MYRIP: variants seen among roughly 807,000 people sequenced by gnomAD.
MYRIP encodes myosin VIIA and Rab interacting protein, also known as rab effector MyRIP.
In MYRIP, 49 loss-of-function variants were observed where a neutral mutation model predicts 98.0. That is an observed-to-expected ratio of 0.50 (90% confidence interval 0.40 to 0.63). MYRIP has a LOEUF of 0.63. MYRIP is among the 30% of genes least tolerant of loss of function. The pLI is 0.00. For synonymous variants in MYRIP, 404 were observed against 409.5 expected (o/e 0.99, Z 0.16); for missense variants, 1,004 against 1,058.2 (o/e 0.95, Z 0.71).
At chr3:39,956,718 C>A (rs1432793608) in intron 2 of MYRIP, among the ~76,000 whole-genome samples, 4 of 149,284 alleles carry the variant, frequency 2.7e-5, no homozygotes, top group Admixed American at 6.6e-5. Context: ...AAAAACCCTT[C>A]AAAAAATCAA....
At position 40,122,407 on chromosome 3, in the gene MYRIP, ATATT is replaced by A. The variant is rs539277625; in HGVS notation, c.333-28640_333-28637del. ...TATTTTGAATTTTTATTTTTAATAA[ATATT>A]ATAAATTTATTTTTACCCAATTATT... On this transcript the variant is annotated intron_variant, in intron 3 of 16. Transcript: ENST00000302541. Among the ~76,000 whole-genome samples the A allele has an allele frequency of 7.9e-5, 12 of 151,586 alleles. No individual in the cohort carries two copies. The South Asian group carries it at 1.9e-3, about 24-fold the overall frequency.
rs4676454 is a variant in MYRIP, at chr3:39,855,419, A to T, written c.-30-45368A>T. 7.9e-5 allele frequency among the ~76,000 whole-genome samples: 12 copies of T among 151,954 alleles called. No individual in the cohort carries two copies. In the East Asian group the frequency reaches 1.6e-3, roughly 20 times the overall value. ...CCCAAAAGTTTCTATGTTTTGTGTT[A>T]GGCTACCAGAGCAGGTAGGGAAATA... On this transcript the variant is annotated intron_variant, in intron 1 of 16. Coordinates refer to ENST00000302541, the MANE Select transcript of MYRIP (RefSeq NM_015460.4).
At chr3:40,231,380 C>T (rs1474437211) in intron 11 of MYRIP, among the ~76,000 whole-genome samples, 2 of 152,164 alleles carry the variant, frequency 1.3e-5, no homozygotes, top group East Asian at 3.8e-4. Flanking sequence ...CTGCTTTATC[C>T]CAGCACCTGG....
intron 3 of MYRIP, among the ~76,000 whole-genome samples, chr3:40,087,217 C>T (rs774935437): frequency 3.3e-5 from 5 of 152,000 alleles, no homozygotes; most frequent in Non-Finnish European, 4.4e-5. Flanking sequence ...CCCCATCTGC[C>T]CTTGGACAAA....
intron 1 of MYRIP, among the ~76,000 whole-genome samples, chr3:39,869,645 A>G (rs1015723894): frequency 5.9e-5 from 9 of 152,214 alleles, no homozygotes; most frequent in Admixed American, 2.0e-4. Flanking sequence ...AAGTAGTTTA[A>G]TCAAGCTGAG....
At chr3:40,017,582 T>C (rs953158875) in intron 2 of MYRIP, among the ~76,000 whole-genome samples, 3 of 152,174 alleles carry the variant, frequency 2.0e-5, no homozygotes, top group Non-Finnish European at 4.4e-5. Flanking sequence ...CAGAAGTTTT[T>C]CTGAAAAAGA....
chr3:40,244,730 T>C (rs1953134610), intron 13 of MYRIP, 123 bp downstream of exon 13: 5 of 1,092,884 alleles, frequency 4.6e-6, no homozygotes, highest in Non-Finnish European at 6.3e-6. Context: ...CATGTTTGCG[T>C]GGATACAGTC....
chr3:39,954,254 C>T (rs946282863), intron 2 of MYRIP, among the ~76,000 whole-genome samples: 3 of 152,130 alleles, frequency 2.0e-5, no homozygotes, highest in South Asian at 4.2e-4. Context: ...CTGGGAGACA[C>T]CTCCCAGTAG....
chr3:39,852,979 A>T (rs531501075), intron 1 of MYRIP, among the ~76,000 whole-genome samples: 1 of 152,242 alleles, frequency 6.6e-6, no homozygotes, highest in South Asian at 2.1e-4. Flanking sequence ...ACGGGGTTTC[A>T]TCATGTTGGT....
Position 40,004,420 on chromosome 3 carries a change from C to G in MYRIP, c.111-39630C>G, listed in dbSNP as rs576041288. On this transcript the variant is annotated intron_variant, in intron 2 of 16. Transcript: ENST00000302541. Reference sequence around the variant, plus strand: ...AGCCCGGGCCATACCATGTCAGGCCCACTCAGGTAGTACATATCCTGCTCC... The same window carrying G: ...AGCCCGGGCCATACCATGTCAGGCCGACTCAGGTAGTACATATCCTGCTCC... Among the ~76,000 whole-genome samples, 38 of 152,278 alleles carry G rather than the reference C, an allele frequency of 2.5e-4. No individual in the cohort carries two copies. The South Asian group carries it at 7.7e-3, about 31-fold the overall frequency.
intron 1 of MYRIP, among the ~76,000 whole-genome samples, chr3:39,839,214 A>G (rs1941721044): frequency 6.9e-6 from 1 of 145,238 alleles, no homozygotes; most frequent in African/African-American, 2.5e-5. Flanking sequence ...TTAGTTATTT[A>G]TTGTCTTCTG....
chr3:40,059,752 T>C (rs1947967827), intron 3 of MYRIP, among the ~76,000 whole-genome samples: 1 of 152,236 alleles, frequency 6.6e-6, no homozygotes, highest in South Asian at 2.1e-4. Context: ...GACTGGGTTC[T>C]TCATCTCCTT....
intron 15 of MYRIP, among the ~76,000 whole-genome samples, chr3:40,250,837 A>G (rs1953353736): frequency 6.6e-6 from 1 of 152,234 alleles, no homozygotes; most frequent in Non-Finnish European, 1.5e-5. Flanking sequence ...TGTTGGCTGC[A>G]CCTCAGAGTT....
intron 2 of MYRIP, among the ~76,000 whole-genome samples, chr3:39,952,398 T>C (rs752712308): frequency 2.6e-5 from 4 of 152,168 alleles, no homozygotes; most frequent in Non-Finnish European, 5.9e-5. Flanking sequence ...GCATGTAGGA[T>C]TTTGTGACAT....
chr3:40,109,256 C>G (rs1468587400), intron 3 of MYRIP, among the ~76,000 whole-genome samples: 1 of 152,170 alleles, frequency 6.6e-6, no homozygotes, highest in Admixed American at 6.5e-5. Flanking sequence ...CTCACCACTT[C>G]TGAATAATAA....
At chr3:39,847,313 T>C (rs1941993458) in intron 1 of MYRIP, among the ~76,000 whole-genome samples, 1 of 152,226 alleles carries the variant, frequency 6.6e-6, no homozygotes, top group Non-Finnish European at 1.5e-5. Context: ...CTTTAAATAC[T>C]GTGATGTAAA....
At chr3:39,998,028 G>T (rs927285616) in intron 2 of MYRIP, among the ~76,000 whole-genome samples, 1 of 152,026 alleles carries the variant, frequency 6.6e-6, no homozygotes, top group Non-Finnish European at 1.5e-5. Context: ...TTGATGGGAC[G>T]TATCTCAAAA....
At chr3:40,200,830 C>G (rs913081469) in intron 10 of MYRIP, among the ~76,000 whole-genome samples, 2 of 152,184 alleles carry the variant, frequency 1.3e-5, no homozygotes, top group Non-Finnish European at 2.9e-5. Flanking sequence ...GGAAATCCTC[C>G]TGCTGACCCT....
chr3:40,071,994 C>G (rs776790207), intron 3 of MYRIP, among the ~76,000 whole-genome samples: 1 of 152,072 alleles, frequency 6.6e-6, no homozygotes, highest in Non-Finnish European at 1.5e-5. Context: ...AAAGGAATCT[C>G]TGGTCAGAAT....
Sources: allele counts gnomAD v4.1 joint callset (sites outside exome capture counted in the v4.1 genomes callset), GRCh38; gene constraint gnomAD v4.1.1; transcripts MANE v1.5; gene names NCBI Gene and HGNC (gene_info 2026-07-23, HGNC 2026-07-21).